The following IL34 variants were observed in gnomAD, a reference collection of about 807,000 sequenced individuals.
The protein encoded by IL34 is interleukin-34.
IL34 carries 17 observed loss-of-function variants against 25.3 expected under a neutral mutation model. The ratio of observed to expected loss-of-function variants is 0.67; its 90% CI spans 0.46 to 1.01. The LOEUF is 1.01. Among genes scored for constraint, IL34 ranks in the 50% least tolerant of loss-of-function variants. The probability of loss-of-function intolerance (pLI) is 0.00; values close to 1 mark genes in which losing one functional copy is unlikely to be tolerated. For missense variants in IL34, 368 were observed against 312.9 expected (o/e 1.18, Z -1.33); for synonymous variants, 174 against 140.9 (o/e 1.23, Z -1.66).
At chr16:70,611,581 G>A (rs540161970) in intron 1 of IL34, among the ~76,000 whole-genome samples, 13 of 152,132 alleles carry the variant, frequency 8.5e-5, no homozygotes, top group African/African-American at 3.1e-4. Flanking sequence ...TTGAGCTCAG[G>A]GGTTTGAGAC....
intron 1 of IL34, among the ~76,000 whole-genome samples, chr16:70,598,465 G>A (rs2050857682): frequency 6.6e-6 from 1 of 152,154 alleles, no homozygotes; most frequent in Non-Finnish European, 1.5e-5. Context: ...TTGGCTGGGC[G>A]CAGTGGCTCA....
At chr16:70,590,247 C>T (rs1306170893) in intron 1 of IL34, among the ~76,000 whole-genome samples, 2 of 152,176 alleles carry the variant, frequency 1.3e-5, no homozygotes. Context: ...AGATTCCAGA[C>T]ATTGGAAAGT....
At chr16:70,583,487 G>A (rs948891777) in intron 1 of IL34, among the ~76,000 whole-genome samples, 2 of 152,120 alleles carry the variant, frequency 1.3e-5, no homozygotes, top group African/African-American at 4.8e-5. Context: ...GTTGTTGGTG[G>A]CCTGGTATGC....
At chr16:70,609,241 C>T (rs919651535) in intron 1 of IL34, among the ~76,000 whole-genome samples, 1 of 151,814 alleles carries the variant, frequency 6.6e-6, no homozygotes, top group Non-Finnish European at 1.5e-5. Flanking sequence ...ACCACGCCCA[C>T]CTAATTTTTG....
chr16:70,645,775 C>T (rs750061927), upstream of IL34, among the ~76,000 whole-genome samples: 17 of 152,110 alleles, frequency 1.1e-4, no homozygotes, highest in Admixed American at 5.2e-4. Context: ...TAGTCCTGGC[C>T]GGGTGCGGTG....
intron 1 of IL34, among the ~76,000 whole-genome samples, chr16:70,587,858 G>A (rs543606370): frequency 1.1e-4 from 16 of 152,168 alleles, no homozygotes; most frequent in African/African-American, 3.9e-4. Context: ...GGCAAACAGG[G>A]TGAGATCCTG....
intron 1 of IL34, among the ~76,000 whole-genome samples, chr16:70,652,058 G>A (rs1014052128): frequency 6.6e-6 from 1 of 151,934 alleles, no homozygotes; most frequent in Non-Finnish European, 1.5e-5. Flanking sequence ...AGCCCAGGAA[G>A]CGGAGGTTGC....
intron 1 of IL34, among the ~76,000 whole-genome samples, chr16:70,624,723 T>G (rs966620375): frequency 6.6e-6 from 1 of 151,890 alleles, no homozygotes; most frequent in Non-Finnish European, 1.5e-5. Context: ...GGCTAGTCAC[T>G]GAACGAAACT....
Position 70,646,737 on chromosome 16 carries a change from G to A in IL34, c.-211G>A. ...TGGGACTTGCGGCCACCGCCCCCCG[G>A]CTGTCCTCCACGCTGCCGGGCAGAT... On this transcript the variant is annotated 5_prime_UTR_variant, in exon 1 of 6. Coordinates refer to ENST00000288098, the MANE Select transcript of IL34 (RefSeq NM_001393494.1). 2.0e-6 allele frequency: 1 copy of A among 497,642 alleles called. No homozygotes were observed. 30.8% of individuals were successfully genotyped at this position (497,642 alleles called of 1,614,324 possible). A position where few individuals can be genotyped will look rare whatever the true frequency, so the allele number is the denominator to read the frequency against.
intron 1 of IL34, among the ~76,000 whole-genome samples, chr16:70,599,181 G>T (rs1262458352): frequency 6.6e-6 from 1 of 152,216 alleles, no homozygotes; most frequent in East Asian, 1.9e-4. Context: ...AAGGGGCTTT[G>T]TGAAATTCTG....
chr16:70,612,120 C>T (rs1368648303), intron 1 of IL34, among the ~76,000 whole-genome samples: 3 of 152,218 alleles, frequency 2.0e-5, no homozygotes, highest in African/African-American at 7.2e-5. Context: ...TCCAGGAGAG[C>T]CAGCCTCCAA....
chr16:70,656,016 G>A (rs1459383352), intron 2 of IL34, among the ~76,000 whole-genome samples: 1 of 152,196 alleles, frequency 6.6e-6, no homozygotes, highest in African/African-American at 2.4e-5. Context: ...ATAGGTTTTA[G>A]AACATTCTCA....
At chr16:70,619,582 C>T (rs928736938) in intron 1 of IL34, among the ~76,000 whole-genome samples, 393 of 150,620 alleles carry the variant, frequency 2.6e-3, no homozygotes, top group Non-Finnish European at 4.3e-3. Flanking sequence ...GGGAAACAGG[C>T]CCTTGAAAAG....
chr16:70,619,731 C>G (rs1241576854), intron 1 of IL34, among the ~76,000 whole-genome samples: 1 of 152,206 alleles, frequency 6.6e-6, no homozygotes, highest in Non-Finnish European at 1.5e-5. Context: ...CAGTCTTCAG[C>G]CGCTAAGCCG....
intron 1 of IL34, among the ~76,000 whole-genome samples, chr16:70,615,785 C>G (rs1316555840): frequency 2.0e-5 from 3 of 152,138 alleles, no homozygotes; most frequent in Non-Finnish European, 4.4e-5. Flanking sequence ...AATCCCATCT[C>G]TACCAAAAAT....
intron 1 of IL34, among the ~76,000 whole-genome samples, chr16:70,623,778 T>C (rs1195845436): frequency 6.6e-6 from 1 of 151,216 alleles, no homozygotes; most frequent in Admixed American, 6.6e-5. Flanking sequence ...ATAAGGGAAC[T>C]GGGCAGGTGG....
At chr16:70,626,020 C>T (rs543588042) in intron 1 of IL34, among the ~76,000 whole-genome samples, 182 of 152,308 alleles carry the variant, frequency 1.2e-3, no homozygotes, top group African/African-American at 3.5e-3. Flanking sequence ...GAATTTCATG[C>T]GCGTCCATGA....
At position 70,657,021 on chromosome 16, in the gene IL34, C is replaced by A; in HGVS notation, c.302C>A (p.Ala101Asp). 1 of 1,612,348 alleles carries A rather than the reference C, an allele frequency of 6.2e-7. No homozygotes were observed. Among genetic ancestry groups the A allele is most frequent in the Non-Finnish European group, 8.5e-7 (1 of 1,179,846 alleles). The change falls in exon 4 of 6, where the codon GCC becomes GAC. Residue 101 changes from alanine to aspartate, a missense_variant. Coordinates refer to ENST00000288098, the MANE Select transcript of IL34 (RefSeq NM_001393494.1). Reference protein sequence around the residue: ...RYLWVLVSLSATESVQDVLLE... With the variant: ...RYLWVLVSLSDTESVQDVLLE... ...CTGTGGGTCTTGGTGAGCCTCAGTG[C>A]CACTGAGTCGGTGCAGGACGTGCTG...
chr16:70,646,078 T>A (rs906928970), upstream of IL34, among the ~76,000 whole-genome samples: 3 of 151,260 alleles, frequency 2.0e-5, no homozygotes, highest in African/African-American at 4.9e-5. Flanking sequence ...TTTTCTTAAT[T>A]TTTTTTTTAT....
Sources: allele counts gnomAD v4.1 joint callset (sites outside exome capture counted in the v4.1 genomes callset), GRCh38; gene constraint gnomAD v4.1.1; transcripts MANE v1.5; gene names NCBI Gene and HGNC (gene_info 2026-07-23, HGNC 2026-07-21).